The following INPP4B variants were observed in gnomAD, a reference collection of about 807,000 sequenced individuals.
The protein encoded by INPP4B is inositol polyphosphate 4-phosphatase type II.
A neutral mutation model predicts 122.5 loss-of-function variants in INPP4B; 55 were observed. That is an observed-to-expected ratio of 0.45 (90% CI 0.36 to 0.56). INPP4B has a LOEUF of 0.56. INPP4B is among the 20% of genes least tolerant of loss of function. INPP4B has a pLI of 0.00. For missense variants in INPP4B, 1,000 were observed against 1,097.7 expected (o/e 0.91, Z 1.26); for synonymous variants, 403 against 388.7 (o/e 1.04, Z -0.43).
intron 2 of INPP4B, among the ~76,000 whole-genome samples, chr4:142,471,767 AATCCAAGCCTGAGCAC>A (rs1818879026): frequency 7.3e-6 from 1 of 136,176 alleles, no homozygotes; most frequent in Non-Finnish European, 1.6e-5. Flanking sequence ...GAGCACCCGC[AATCCAAGCCTGAGCAC>A]CCGCAATCCA....
intron 1 of INPP4B, among the ~76,000 whole-genome samples, chr4:142,797,078 CAAGA>C (rs1777356754): frequency 6.6e-6 from 1 of 151,826 alleles, no homozygotes; most frequent in African/African-American, 2.4e-5. Flanking sequence ...CAGTGAAGTT[CAAGA>C]AAGCAAAATG....
chr4:142,029,739 C>T lies in INPP4B; in HGVS notation c.2643-825G>A, dbSNP rs1017506437. ...ACAGTGGAAATAAAGTCTGCAACCT[C>T]CCACATCTCTAGAACTTGTCTCAGG... On this transcript the variant is annotated intron_variant, in intron 25 of 25. Transcript: ENST00000262992. 8 of 991,832 alleles carry T rather than the reference C, an allele frequency of 8.1e-6. No individual in the cohort carries two copies. The Middle Eastern group carries it at 1.5e-3, about 191-fold the overall frequency. 61.4% of individuals were successfully genotyped at this position (991,832 alleles called of 1,614,324 possible).
intron 2 of INPP4B, among the ~76,000 whole-genome samples, chr4:142,464,141 T>TTACTAC (rs1445980010): frequency 1.6e-4 from 24 of 152,266 alleles, no homozygotes; most frequent in African/African-American, 5.5e-4. Flanking sequence ...TTTGGGCATT[T>TTACTAC]TACTACTATA....
intron 1 of INPP4B, among the ~76,000 whole-genome samples, chr4:142,792,697 A>G (rs1487918779): frequency 1.3e-5 from 2 of 152,008 alleles, no homozygotes; most frequent in Non-Finnish European, 2.9e-5. Flanking sequence ...AGATGGAAAA[A>G]TCACTACACA....
intron 9 of INPP4B, among the ~76,000 whole-genome samples, chr4:142,294,481 C>G (rs17015814): frequency 0.016 from 2,446 of 151,878 alleles, 79 homozygotes; most frequent in African/African-American, 0.056. Flanking sequence ...TGGAGAATAC[C>G]AGGTGGATAA....
intron 2 of INPP4B, among the ~76,000 whole-genome samples, chr4:142,694,719 C>T (rs939681672): frequency 1.4e-4 from 21 of 152,076 alleles, no homozygotes; most frequent in Non-Finnish European, 2.8e-4. Context: ...TGGTGAGCTC[C>T]GCATCTGATA....
intron 9 of INPP4B, among the ~76,000 whole-genome samples, chr4:142,292,433 C>G (rs1756850524): frequency 6.6e-6 from 1 of 152,130 alleles, no homozygotes; most frequent in Non-Finnish European, 1.5e-5. Context: ...TGGCAGACTG[C>G]CCAACAAACA....
intron 1 of INPP4B, among the ~76,000 whole-genome samples, chr4:142,758,772 G>A (rs1770867491): frequency 6.6e-6 from 1 of 152,044 alleles, no homozygotes; most frequent in African/African-American, 2.4e-5. Flanking sequence ...GGCTAACATG[G>A]TGAAACCCCG....
chr4:142,469,786 G>A (rs1450029805), intron 2 of INPP4B, among the ~76,000 whole-genome samples: 1 of 151,850 alleles, frequency 6.6e-6, no homozygotes, highest in African/African-American at 2.4e-5. Context: ...TGTCTGGTGG[G>A]GAAAAATTAA....
At chr4:142,082,890 G>A (rs907575114) in intron 24 of INPP4B, among the ~76,000 whole-genome samples, 1 of 152,164 alleles carries the variant, frequency 6.6e-6, no homozygotes, top group Non-Finnish European at 1.5e-5. Flanking sequence ...ACTTTGGGAG[G>A]CCAAGGCAGG....
intron 3 of INPP4B, among the ~76,000 whole-genome samples, chr4:142,434,948 G>T (rs1308804553): frequency 6.6e-6 from 1 of 152,122 alleles, no homozygotes; most frequent in Non-Finnish European, 1.5e-5. Flanking sequence ...ACAAATTTGT[G>T]TTGGGCCACA....
intron 2 of INPP4B, among the ~76,000 whole-genome samples, chr4:142,690,065 T>C (rs1759944225): frequency 1.3e-5 from 2 of 152,202 alleles, no homozygotes; most frequent in South Asian, 2.1e-4. Context: ...CTGAGTGACA[T>C]GATTAGCTAT....
intron 7 of INPP4B, among the ~76,000 whole-genome samples, chr4:142,398,445 T>TATATATAAAAA (rs749321202): frequency 4.0e-5 from 3 of 74,556 alleles, no homozygotes; most frequent in East Asian, 8.8e-4. Context: ...TATATATATA[T>TATATATAAAAA]AAAACATATT....
intron 1 of INPP4B, among the ~76,000 whole-genome samples, chr4:142,747,901 T>C (rs1769024985): frequency 6.6e-6 from 1 of 151,956 alleles, no homozygotes; most frequent in Admixed American, 6.6e-5. Flanking sequence ...GGGATACCAT[T>C]AGGAGAAATA....
chr4:142,049,931 A>G (rs1350494058), intron 25 of INPP4B, among the ~76,000 whole-genome samples: 3 of 152,012 alleles, frequency 2.0e-5, no homozygotes, highest in African/African-American at 7.2e-5. Flanking sequence ...TACAAAGTAG[A>G]AAGAAATATG....
chr4:142,582,538 T>G (rs1175302422), intron 2 of INPP4B, among the ~76,000 whole-genome samples: 3 of 152,140 alleles, frequency 2.0e-5, no homozygotes, highest in African/African-American at 7.2e-5. Context: ...CTCAAGATGT[T>G]CCAGAAAGAA....
chr4:142,750,471 T>C (rs1345239040), intron 1 of INPP4B, among the ~76,000 whole-genome samples: 1 of 152,100 alleles, frequency 6.6e-6, no homozygotes, highest in African/African-American at 2.4e-5. Context: ...AAATGACAAG[T>C]GTCAGGAAGG....
rs571109249 is a variant in INPP4B, at chr4:142,546,414, T to C, written c.-190-83688A>G. On this transcript the variant is annotated intron_variant, in intron 2 of 25. Coordinates refer to ENST00000262992, the MANE Select transcript of INPP4B (RefSeq NM_001101669.3). Reference sequence around the variant, plus strand: ...ATGAACATAGCATGCATGTGCCTTATCTAGAAATTGTATATTTGATAGAGT... The same window carrying C: ...ATGAACATAGCATGCATGTGCCTTACCTAGAAATTGTATATTTGATAGAGT... Among the ~76,000 whole-genome samples the C allele has an allele frequency of 4.6e-5, 7 of 152,256 alleles. No homozygotes were observed. The East Asian group carries it at 9.6e-4, about 21-fold the overall frequency.
chr4:142,443,443 T>C (rs73850883), intron 3 of INPP4B, among the ~76,000 whole-genome samples: 5,758 of 151,994 alleles, frequency 0.038, 385 homozygotes, highest in African/African-American at 0.13. Context: ...TGAAGACTCA[T>C]TGAAATTAGA....
Sources: gnomAD v4.1 joint callset for allele counts (sites outside exome capture counted in the v4.1 genomes callset) on GRCh38, gnomAD v4.1.1 for gene constraint, MANE v1.5 for transcripts, NCBI Gene and HGNC (gene_info 2026-07-23, HGNC 2026-07-21) for gene names.